The following PRKCG variants were observed in gnomAD, a reference collection of about 807,000 sequenced individuals.
PRKCG encodes protein kinase C gamma, also known as protein kinase C gamma type.
A neutral mutation model predicts 82.0 loss-of-function variants in PRKCG; 28 were observed. The observed-to-expected ratio is 0.34, with a 90% CI of 0.25 to 0.47. The LOEUF is 0.47. Among genes scored for constraint, PRKCG ranks in the 20% least tolerant of loss-of-function variants. The pLI, the probability that PRKCG is intolerant of heterozygous loss-of-function variation, is 1.00. For synonymous variants in PRKCG, 383 were observed against 376.6 expected, an observed-to-expected ratio of 1.02 and a Z score of -0.20; for missense variants, 640 against 952.7, an observed-to-expected ratio of 0.67 and a Z score of 4.32.
chr19:53,901,849 C>CAAAAAA (rs752402468), intron 14 of PRKCG, among the ~76,000 whole-genome samples: 3 of 69,030 alleles, frequency 4.3e-5, no homozygotes, highest in African/African-American at 8.3e-5. Flanking sequence ...GACCCTGTCT[C>CAAAAAA]AAAAAAAAAA....
intron 11 of PRKCG, 107 bp downstream of exon 11, chr19:53,898,735 C>T (rs1176662385): frequency 3.4e-6 from 3 of 892,912 alleles, no homozygotes; most frequent in African/African-American, 2.0e-5. Context: ...ACTTTGTGCT[C>T]TCTGAGTGGG....
At chr19:53,894,470 T>C (rs1046554853) in intron 9 of PRKCG, among the ~76,000 whole-genome samples, 1 of 151,958 alleles carries the variant, frequency 6.6e-6, no homozygotes, top group Admixed American at 6.6e-5. Context: ...TTCTTTCTTT[T>C]TTTTTTTGAG....
At position 53,907,496 on chromosome 19, in the gene PRKCG, C is replaced by T. The variant is rs978588144; in HGVS notation, c.*601C>T. 12 of 162,068 alleles carry T rather than the reference C, an allele frequency of 7.4e-5. No individual in the cohort carries two copies. The highest frequency in any genetic ancestry group is 1.8e-4 in the Admixed American group (3 of 17,038). The allele number at this position is 162,068 out of a possible 1,614,324, so 10.0% of individuals were successfully genotyped here. On this transcript the variant is annotated 3_prime_UTR_variant, in exon 18 of 18. Transcript: ENST00000263431. ...CCGAAGCCATCACTTCTCCCCGCAG[C>T]CCGCCTGCCGTGCATGGCTCCTGTC... is the stretch of plus-strand genomic sequence containing the variant.
chr19:53,883,270 CACACGTGTTCTCTGGTCCCCAGAGA>C lies in PRKCG; in HGVS notation c.202+77_202+101del. 1 of 1,554,646 alleles carries C rather than the reference CACACGTGTTCTCTGGTCCCCAGAGA, an allele frequency of 6.4e-7. No individual in the cohort carries two copies. The highest frequency in any genetic ancestry group is 2.2e-5 in the East Asian group (1 of 44,512). On this transcript the variant is annotated intron_variant, in intron 2 of 17. Transcript: ENST00000263431. The surrounding 1 kb of genome is among the most constrained non-coding windows in gnomAD (Gnocchi z 5.4). ...GGGCCCCACAGCTGAGGCTGCTTGACACACGTGTTCTCTGGTCCCCAGAGAGGCGCGGGGGAGCCCGGGGCGGGGG... is the reference window on the plus strand; with the variant it reads ...GGGCCCCACAGCTGAGGCTGCTTGACGGCGCGGGGGAGCCCGGGGCGGGGG...
chr19:53,894,463 TTTC>T (rs200772140), intron 9 of PRKCG, among the ~76,000 whole-genome samples: 9 of 151,612 alleles, frequency 5.9e-5, no homozygotes, highest in East Asian at 3.9e-4. Flanking sequence ...TCTTTCTTTC[TTTC>T]TTTTTTTTTT....
chr19:53,899,638 G>A (rs932998525), intron 11 of PRKCG, among the ~76,000 whole-genome samples: 2 of 151,836 alleles, frequency 1.3e-5, no homozygotes, highest in African/African-American at 4.8e-5. Context: ...CCAGGCTGGA[G>A]TGCAATGGCG....
At chr19:53,896,286 G>C (rs2068717330) in intron 9 of PRKCG, among the ~76,000 whole-genome samples, 1 of 151,742 alleles carries the variant, frequency 6.6e-6, no homozygotes. Flanking sequence ...AGTTCAGCAG[G>C]CACCACTTAA....
chr19:53,887,327 G>A (rs949692887), intron 3 of PRKCG, among the ~76,000 whole-genome samples: 1 of 151,730 alleles, frequency 6.6e-6, no homozygotes, highest in Non-Finnish European at 1.5e-5. Flanking sequence ...GAGAAGCCAC[G>A]TGTCTACTAA....
chr19:53,903,909 G>C (rs958267695), intron 15 of PRKCG, among the ~76,000 whole-genome samples: 1 of 152,172 alleles, frequency 6.6e-6, no homozygotes, highest in African/African-American at 2.4e-5. Context: ...TCATTAAGTA[G>C]TAAGTTCTAA....
In PRKCG at chr19:53,894,620, T is replaced by G. The variant is rs898141725; in HGVS notation, c.939+1229T>G. ...GATTACAGGAGCGCACCACCACACCTGGCTAATTTTTGTATTTTTAGTAGA... is the reference window on the plus strand; with the variant it reads ...GATTACAGGAGCGCACCACCACACCGGGCTAATTTTTGTATTTTTAGTAGA... On this transcript the variant is annotated intron_variant, in intron 9 of 17. Coordinates refer to ENST00000263431, the MANE Select transcript of PRKCG (RefSeq NM_002739.5). Among the ~76,000 whole-genome samples, 3 of 151,892 alleles carry G rather than the reference T, an allele frequency of 2.0e-5. No homozygotes were observed. The South Asian group carries it at 6.2e-4, about 32-fold the overall frequency.
Position 53,906,978 on chromosome 19 carries a change from C to T in PRKCG, c.*83C>T, listed in dbSNP as rs1198483229. 5 of 1,593,534 alleles carry T rather than the reference C, an allele frequency of 3.1e-6. No individual in the cohort carries two copies. In the Admixed American group the frequency reaches 5.3e-5, roughly 17 times the overall value. ...CCACTTCACCCCCAACTTCACCACC[C>T]CCTGTCCCATTCTAGATCCTGCACC... On this transcript the variant is annotated 3_prime_UTR_variant, in exon 18 of 18. Transcript: ENST00000263431.
rs765235823 is a variant in PRKCG at position 53,907,020 on chromosome 19, G to GC, written c.*130dup. On this transcript the variant is annotated 3_prime_UTR_variant, in exon 18 of 18. Transcript: ENST00000263431. ...TCCTGCACCCCAGCATTCCAGCTCT[G>GC]CCCCCGCGGGTTCTAGACGCCCCTC... 6.5e-6 allele frequency: 10 copies of GC among 1,533,152 alleles called. No individual in the cohort carries two copies. Among genetic ancestry groups the GC allele is most frequent in the South Asian group, 2.4e-5 (2 of 83,284 alleles). 95.0% of individuals were successfully genotyped at this position (1,533,152 alleles called of 1,614,324 possible).
chr19:53,890,148 C>T (rs2068662891), intron 5 of PRKCG, 131 bp downstream of exon 5: 1 of 1,007,926 alleles, frequency 9.9e-7, no homozygotes, highest in South Asian at 1.5e-5. Context: ...CACGCCCACA[C>T]TCCTGACCCC....
intron 9 of PRKCG, among the ~76,000 whole-genome samples, chr19:53,895,539 GCAA>G (rs59390874): frequency 0.016 from 2,352 of 149,134 alleles, 59 homozygotes; most frequent in African/African-American, 0.055. Flanking sequence ...TTCAACAACA[GCAA>G]CAACATGTTA....
chr19:53,888,153 G>A (rs536313353), intron 3 of PRKCG, among the ~76,000 whole-genome samples: 1 of 152,158 alleles, frequency 6.6e-6, no homozygotes, highest in African/African-American at 2.4e-5. Context: ...TATTTAGTGC[G>A]GCAGGAACCC....
intron 5 of PRKCG, among the ~76,000 whole-genome samples, chr19:53,890,925 TA>T (rs2122992073): frequency 6.6e-6 from 1 of 151,818 alleles, no homozygotes; most frequent in East Asian, 2.0e-4. Context: ...CTCATTTTTG[TA>T]TTTTTAGTAG....
Position 53,907,261 on chromosome 19 carries a change from T to G in PRKCG, c.*366T>G. ...CCCCCAGACCCCGCCCCTGGGGAAA[T>G]AGCCTCACGGGGTTGGCTGTTCCAG... On this transcript the variant is annotated 3_prime_UTR_variant, in exon 18 of 18. Transcript: ENST00000263431. 1.2e-5 allele frequency: 4 copies of G among 346,232 alleles called. No individual in the cohort carries two copies. Among genetic ancestry groups the G allele is most frequent in the Non-Finnish European group, 2.2e-5 (4 of 181,342 alleles). 21.4% of individuals were successfully genotyped at this position (346,232 alleles called of 1,614,324 possible).
At chr19:53,893,770 T>TTATTTG (rs1230122046) in intron 9 of PRKCG, among the ~76,000 whole-genome samples, 30 of 152,082 alleles carry the variant, frequency 2.0e-4, no homozygotes, top group African/African-American at 7.2e-4. Context: ...ATTTTTATTT[T>TTATTTG]TATTTTTATT....
intron 15 of PRKCG, among the ~76,000 whole-genome samples, chr19:53,903,611 T>TG (rs748253731): frequency 3.9e-5 from 6 of 152,114 alleles, no homozygotes; most frequent in Non-Finnish European, 7.4e-5. Flanking sequence ...GCTATGGTAG[T>TG]GGGCACCTAT....
Sources: gnomAD v4.1 joint callset for allele counts (sites outside exome capture counted in the v4.1 genomes callset) on GRCh38, gnomAD v4.1.1 for gene constraint, Gnocchi (gnomAD v3.1) non-coding constraint, MANE v1.5 for transcripts, NCBI Gene and HGNC (gene_info 2026-07-23, HGNC 2026-07-21) for gene names.